Variants in PDE1A observed in about 807,000 individuals in gnomAD.
The protein encoded by PDE1A is phosphodiesterase 1A.
Under a neutral mutation model 61.7 loss-of-function variants are expected in PDE1A, and 35 were observed. The observed-to-expected ratio is 0.57, with a 90% CI of 0.43 to 0.75. The LOEUF (loss-of-function observed/expected upper bound fraction) is 0.75, where lower values mean the gene tolerates loss of function less well. Ranked by LOEUF, PDE1A falls within the 30% of genes least tolerant of loss-of-function variation. The pLI is 0.00. For synonymous variants in PDE1A, 232 were observed against 213.2 expected, an observed-to-expected ratio of 1.09 and a Z score of -0.77; for missense variants, 597 against 630.6, an observed-to-expected ratio of 0.95 and a Z score of 0.57.
chr2:182,698,460 T>C, the PDE1A span, among the ~76,000 whole-genome samples: 1 of 152,124 alleles, frequency 6.6e-6, no homozygotes, highest in Non-Finnish European at 1.5e-5. Flanking sequence ...TAAAAATAAC[T>C]AAAGAGTGGT....
chr2:182,454,639 G>C (rs1309918220), intron 2 of PDE1A, among the ~76,000 whole-genome samples: 1 of 151,522 alleles, frequency 6.6e-6, no homozygotes, highest in African/African-American at 2.4e-5. Context: ...TCTGATCTTT[G>C]ACAAACCTGA....
intron 2 of PDE1A, among the ~76,000 whole-genome samples, chr2:182,453,001 C>A (rs1282421500): frequency 2.0e-5 from 3 of 152,098 alleles, no homozygotes; most frequent in African/African-American, 7.2e-5. Flanking sequence ...CAAACAGATC[C>A]AAGCTGACCT....
intron 1 of PDE1A, among the ~76,000 whole-genome samples, chr2:182,310,666 A>C (rs1344474259): frequency 1.3e-5 from 2 of 152,126 alleles, no homozygotes; most frequent in Non-Finnish European, 2.9e-5. Context: ...TTTCTGCCAC[A>C]TTCTCTTACA....
chr2:182,555,090 T>A, the PDE1A span, among the ~76,000 whole-genome samples: 1 of 152,212 alleles, frequency 6.6e-6, no homozygotes, highest in Non-Finnish European at 1.5e-5. Flanking sequence ...CTGACATCAC[T>A]CCTGGGCAAT....
chr2:182,544,973 AATT>A, the PDE1A span, among the ~76,000 whole-genome samples: 9 of 152,140 alleles, frequency 5.9e-5, no homozygotes, highest in Admixed American at 1.3e-4. Context: ...CTATTTGTGT[AATT>A]ATTATTTTTA....
chr2:182,185,690 G>T, intron 13 of PDE1A: 1 of 889,372 alleles, frequency 1.1e-6, no homozygotes, highest in Non-Finnish European at 1.7e-6. Context: ...TGCAGCCCAT[G>T]TGGCACAAAC....
At chr2:182,611,002 C>T in the PDE1A span, among the ~76,000 whole-genome samples, 1 of 152,134 alleles carries the variant, frequency 6.6e-6, no homozygotes, top group Non-Finnish European at 1.5e-5. Flanking sequence ...GCTTTTTTGA[C>T]TCCTCATTTG....
intron 1 of PDE1A, among the ~76,000 whole-genome samples, chr2:182,411,407 A>G (rs1442436319): frequency 6.6e-6 from 1 of 152,108 alleles, no homozygotes; most frequent in African/African-American, 2.4e-5. Context: ...TCTACTGTTG[A>G]TGAACATTTG....
intron 2 of PDE1A, among the ~76,000 whole-genome samples, chr2:182,521,693 C>A (rs948431264): frequency 6.6e-6 from 1 of 152,204 alleles, no homozygotes; most frequent in East Asian, 1.9e-4. Context: ...ATGGACTATT[C>A]TGTACTCTCA....
At chr2:182,238,096 G>A (rs1317174088) in intron 3 of PDE1A, among the ~76,000 whole-genome samples, 1 of 151,642 alleles carries the variant, frequency 6.6e-6, no homozygotes, top group Non-Finnish European at 1.5e-5. Context: ...CTGAAACCCC[G>A]TCTCTACTAA....
At chr2:182,222,457 C>T (rs535685296) in intron 7 of PDE1A, among the ~76,000 whole-genome samples, 53 of 152,058 alleles carry the variant, frequency 3.5e-4, no homozygotes, top group African/African-American at 1.2e-3. Flanking sequence ...GTGTGTGATA[C>T]TGCAATGGTA....
chr2:182,274,442 T>A (rs185464656), intron 1 of PDE1A, among the ~76,000 whole-genome samples: 3 of 152,208 alleles, frequency 2.0e-5, no homozygotes, highest in Admixed American at 2.0e-4. Flanking sequence ...AACAGAAATA[T>A]TTCCATGGCA....
At chr2:182,210,670 T>C (rs1292408407) in intron 7 of PDE1A, among the ~76,000 whole-genome samples, 2 of 152,192 alleles carry the variant, frequency 1.3e-5, no homozygotes, top group African/African-American at 4.8e-5. Flanking sequence ...ATCCAACTTA[T>C]CAATTTATTA....
chr2:182,636,914 C>G, the PDE1A span, among the ~76,000 whole-genome samples: 1 of 152,222 alleles, frequency 6.6e-6, no homozygotes, highest in African/African-American at 2.4e-5. Context: ...AGAGGCTGTG[C>G]ACATTCTTCT....
At chr2:182,187,443 ATTG>A (rs898762926) in intron 11 of PDE1A, among the ~76,000 whole-genome samples, 5 of 152,116 alleles carry the variant, frequency 3.3e-5, no homozygotes, top group Middle Eastern at 3.2e-3. Context: ...CAAGTCAAGA[ATTG>A]TTGTTGGAAA....
chr2:182,219,910 A>T (rs114687897), intron 7 of PDE1A, among the ~76,000 whole-genome samples: 5 of 152,126 alleles, frequency 3.3e-5, no homozygotes, highest in African/African-American at 4.8e-5. Context: ...AATGTACACA[A>T]TAAAAACTAT....
chr2:182,610,244 A>G, the PDE1A span, among the ~76,000 whole-genome samples: 1 of 152,196 alleles, frequency 6.6e-6, no homozygotes, highest in Non-Finnish European at 1.5e-5. Flanking sequence ...TGTCAAACCT[A>G]AGCATAAACA....
chr2:182,386,286 G>T (rs1361287407), intron 1 of PDE1A, among the ~76,000 whole-genome samples: 2 of 151,972 alleles, frequency 1.3e-5, no homozygotes, highest in African/African-American at 4.8e-5. Flanking sequence ...GAAGTGAGGA[G>T]CGTCTCTGCT....
intron 2 of PDE1A, among the ~76,000 whole-genome samples, chr2:182,247,558 TCG>T (rs1163511875): frequency 6.6e-6 from 1 of 152,200 alleles, no homozygotes; most frequent in Non-Finnish European, 1.5e-5. Flanking sequence ...TCCCTTTCCC[TCG>T]TACCCGCCTT....
Sources: allele counts gnomAD v4.1 joint callset (sites outside exome capture counted in the v4.1 genomes callset), GRCh38; gene constraint gnomAD v4.1.1; transcripts MANE v1.5; gene names NCBI Gene and HGNC (gene_info 2026-07-23, HGNC 2026-07-21).